Variants in PDE1A observed in about 807,000 individuals in gnomAD.
The protein encoded by PDE1A is phosphodiesterase 1A, also known as dual specificity calcium/calmodulin-dependent 3',5'-cyclic nucleotide phosphodiesterase 1A.
Under a neutral mutation model 61.7 loss-of-function variants are expected in PDE1A, and 35 were observed. The ratio of observed to expected loss-of-function variants is 0.57; its 90% CI spans 0.43 to 0.75. The LOEUF (loss-of-function observed/expected upper bound fraction) is 0.75, where lower values mean the gene tolerates loss of function less well. PDE1A is among the 30% of genes least tolerant of loss of function. PDE1A has a pLI of 0.00. For synonymous variants in PDE1A, 232 were observed against 213.2 expected, an observed-to-expected ratio of 1.09 and a Z score of -0.77; for missense variants, 597 against 630.6, an observed-to-expected ratio of 0.95 and a Z score of 0.57.
At chr2:182,494,320 G>C (rs1688579108) in intron 2 of PDE1A, among the ~76,000 whole-genome samples, 1 of 121,770 alleles carries the variant, frequency 8.2e-6, no homozygotes, top group Non-Finnish European at 1.8e-5. Flanking sequence ...AAAAGAAAAA[G>C]AAACTGTGTA....
At chr2:182,155,973 T>C (rs1196071) in intron 13 of PDE1A, among the ~76,000 whole-genome samples, 183 of 152,258 alleles carry the variant, frequency 1.2e-3, no homozygotes, top group African/African-American at 4.2e-3. Flanking sequence ...TCCCATGCTG[T>C]TCTCATGGTA....
chr2:182,562,644 T>G, the PDE1A span, among the ~76,000 whole-genome samples: 1 of 152,068 alleles, frequency 6.6e-6, no homozygotes, highest in East Asian at 1.9e-4. Context: ...CACTTCCTCC[T>G]TGTACCTCTG....
At position 182,218,838 on chromosome 2, in the gene PDE1A, G is replaced by C. The variant is rs563463178; in HGVS notation, c.776+5026C>G. ...CCACTTAGTTGTGGTGCTTAGCGTTGTTTTAATTATCATTATTATAGTTTA... is the reference window on the plus strand; with the variant it reads ...CCACTTAGTTGTGGTGCTTAGCGTTCTTTTAATTATCATTATTATAGTTTA... On this transcript the variant is annotated intron_variant, in intron 7 of 13. Coordinates refer to ENST00000351439, the Ensembl canonical transcript of PDE1A. Among the ~76,000 whole-genome samples the C allele has an allele frequency of 3.4e-3, 516 of 152,108 alleles. 2 individuals are homozygous for C. The highest frequency in any genetic ancestry group is 0.012 in the African/African-American group (501 of 41,500).
At chr2:182,285,281 T>C (rs192815365) in intron 1 of PDE1A, among the ~76,000 whole-genome samples, 9 of 152,276 alleles carry the variant, frequency 5.9e-5, no homozygotes, top group African/African-American at 2.2e-4. Context: ...TCTTGTTTTC[T>C]CTGGCATCAT....
downstream of PDE1A, among the ~76,000 whole-genome samples, chr2:182,145,055 C>T (rs1690423135): frequency 6.6e-6 from 1 of 152,164 alleles, no homozygotes; most frequent in African/African-American, 2.4e-5. Context: ...TGTTTTTAGA[C>T]CTCACTCATT....
chr2:182,247,372 A>G (rs1691051804), intron 2 of PDE1A, among the ~76,000 whole-genome samples: 1 of 152,238 alleles, frequency 6.6e-6, no homozygotes, highest in African/African-American at 2.4e-5. Flanking sequence ...CTTCTAATGA[A>G]GACATAAGTA....
chr2:182,244,114 G>A (rs536878904), intron 2 of PDE1A, among the ~76,000 whole-genome samples: 4 of 152,140 alleles, frequency 2.6e-5, no homozygotes, highest in South Asian at 2.1e-4. Flanking sequence ...TGATCCGCCC[G>A]CCTTGGCCTC....
chr2:182,207,785 T>G (rs879732415), intron 7 of PDE1A, among the ~76,000 whole-genome samples: 3 of 152,228 alleles, frequency 2.0e-5, no homozygotes, highest in African/African-American at 7.2e-5. Flanking sequence ...AATGGATTCA[T>G]GGGCCAGGCC....
chr2:182,530,298 C>G, the PDE1A span, among the ~76,000 whole-genome samples: 2 of 151,280 alleles, frequency 1.3e-5, no homozygotes, highest in Admixed American at 6.6e-5. Context: ...AATTTTAAAC[C>G]ACAGTGAAGG....
intron 2 of PDE1A, among the ~76,000 whole-genome samples, chr2:182,512,119 C>T (rs1443767313): frequency 2.0e-5 from 3 of 152,150 alleles, no homozygotes; most frequent in Non-Finnish European, 2.9e-5. Flanking sequence ...ACTACCCTAC[C>T]GCCACTATCG....
chr2:182,616,226 T>C, the PDE1A span, among the ~76,000 whole-genome samples: 1 of 152,200 alleles, frequency 6.6e-6, no homozygotes, highest in Non-Finnish European at 1.5e-5. Context: ...CTGGCACTTT[T>C]GGAGCCTATG....
chr2:182,351,271 T>C (rs991601606), intron 1 of PDE1A, among the ~76,000 whole-genome samples: 1 of 152,222 alleles, frequency 6.6e-6, no homozygotes, highest in African/African-American at 2.4e-5. Flanking sequence ...CATCTAAATT[T>C]CCATTTTTTA....
chr2:182,698,653 G>A, the PDE1A span, among the ~76,000 whole-genome samples: 4 of 152,084 alleles, frequency 2.6e-5, no homozygotes, highest in African/African-American at 7.2e-5. Flanking sequence ...ACATAAAAGT[G>A]CTCATAGTAA....
At chr2:182,265,105 G>C (rs1222337787) in intron 1 of PDE1A, among the ~76,000 whole-genome samples, 3 of 151,448 alleles carry the variant, frequency 2.0e-5, no homozygotes, top group Admixed American at 6.6e-5. Flanking sequence ...GGGACTCACA[G>C]AGGAAGAGTG....
At chr2:182,347,801 A>G (rs751708650) in intron 1 of PDE1A, among the ~76,000 whole-genome samples, 10 of 152,152 alleles carry the variant, frequency 6.6e-5, no homozygotes, top group Non-Finnish European at 5.9e-5. Context: ...ATGTGAGCAC[A>G]AAGTTTTGAG....
chr2:182,438,437 T>C (rs1490730886), intron 2 of PDE1A, among the ~76,000 whole-genome samples: 1 of 152,034 alleles, frequency 6.6e-6, no homozygotes, highest in Non-Finnish European at 1.5e-5. Flanking sequence ...AAATATATTC[T>C]ATTTTTAAAA....
At chr2:182,491,348 G>T (rs1310857041) in intron 2 of PDE1A, among the ~76,000 whole-genome samples, 1 of 152,180 alleles carries the variant, frequency 6.6e-6, no homozygotes, top group African/African-American at 2.4e-5. Flanking sequence ...GTATGCAAGT[G>T]AGGGATATAA....
At chr2:182,373,844 G>A (rs1009112376) in intron 1 of PDE1A, among the ~76,000 whole-genome samples, 1 of 152,048 alleles carries the variant, frequency 6.6e-6, no homozygotes, top group African/African-American at 2.4e-5. Flanking sequence ...GAAAACAAGA[G>A]GAAATGTTAT....
chr2:182,224,555 T>TA (rs1308868288), intron 6 of PDE1A, among the ~76,000 whole-genome samples: 3 of 151,786 alleles, frequency 2.0e-5, no homozygotes, highest in African/African-American at 4.8e-5. Flanking sequence ...TGCTTTCATG[T>TA]AAAAATCCAT....
Sources: allele counts gnomAD v4.1 joint callset (sites outside exome capture counted in the v4.1 genomes callset), GRCh38; gene constraint gnomAD v4.1.1; transcripts MANE v1.5; gene names NCBI Gene and HGNC (gene_info 2026-07-23, HGNC 2026-07-21).